Variants in SRPK2 observed in about 807,000 individuals in gnomAD.
The protein encoded by SRPK2 is SRSF protein kinase 2.
In SRPK2, 21 loss-of-function variants were observed where a neutral mutation model predicts 90.8. The ratio of observed to expected loss-of-function variants is 0.23; its 90% CI spans 0.16 to 0.33. SRPK2 has a LOEUF of 0.33. SRPK2 is among the 10% of genes least tolerant of loss of function. The pLI is 1.00. For missense variants in SRPK2, 620 were observed against 869.0 expected (o/e 0.71, Z 3.60); for synonymous variants, 288 against 311.1 (o/e 0.93, Z 0.78).
chr7:105,320,278 G>A (rs1812798138), intron 2 of SRPK2, among the ~76,000 whole-genome samples: 1 of 152,118 alleles, frequency 6.6e-6, no homozygotes, highest in South Asian at 2.1e-4. Context: ...TTCATATTTT[G>A]CTCAGCACCT....
upstream of SRPK2, among the ~76,000 whole-genome samples, chr7:105,391,914 TAGC>T (rs1323178379): frequency 6.6e-6 from 1 of 152,178 alleles, no homozygotes; most frequent in African/African-American, 2.4e-5. Context: ...TGAGTGTTCA[TAGC>T]AGCGCTATCA....
rs538681312 is a variant in SRPK2 at position 105,183,196 on chromosome 7, A to G, written c.230-13931T>C. Among the ~76,000 whole-genome samples the G allele has an allele frequency of 3.0e-4, 46 of 152,328 alleles. No homozygotes were observed. In the South Asian group the frequency reaches 4.8e-3, roughly 16 times the overall value. On this transcript the variant is annotated intron_variant, in intron 3 of 15. Coordinates refer to ENST00000393651, the MANE Select transcript of SRPK2 (RefSeq NM_182692.3). ...CATCTTTTTTTGTCATTTTAGTGCT[A>G]TAAGTTTGTAGCTGTGTAAAAAATT...
intron 2 of SRPK2, among the ~76,000 whole-genome samples, chr7:105,205,517 T>TCTCTCTCTCA (rs1491532268): frequency 1.0e-5 from 1 of 95,792 alleles, no homozygotes; most frequent in African/African-American, 3.6e-5. Context: ...TCTCTCTCTC[T>TCTCTCTCTCA]CACACACACA....
intron 2 of SRPK2, among the ~76,000 whole-genome samples, chr7:105,272,953 G>A (rs148560861): frequency 0.012 from 1,775 of 152,126 alleles, 32 homozygotes; most frequent in African/African-American, 0.041. Context: ...GGTGGCTCAC[G>A]CCTGTAATCC....
chr7:105,180,069 TAGAA>T (rs1352576288), intron 3 of SRPK2, among the ~76,000 whole-genome samples: 1 of 152,042 alleles, frequency 6.6e-6, no homozygotes, highest in Non-Finnish European at 1.5e-5. Flanking sequence ...TTCACAGAAT[TAGAA>T]AGATCTTAAA....
At chr7:105,347,678 A>AT (rs1816630322) in intron 2 of SRPK2, among the ~76,000 whole-genome samples, 1 of 151,404 alleles carries the variant, frequency 6.6e-6, no homozygotes, top group Non-Finnish European at 1.5e-5. Flanking sequence ...GCCTGGCAAG[A>AT]CCCCCATCTC....
At chr7:105,219,669 A>C (rs571190470) in intron 2 of SRPK2, among the ~76,000 whole-genome samples, 1 of 152,252 alleles carries the variant, frequency 6.6e-6, no homozygotes, top group Non-Finnish European at 1.5e-5. Context: ...TGTTGAATGA[A>C]AAATCACAAG....
chr7:105,318,749 A>G (rs962485730), intron 2 of SRPK2, among the ~76,000 whole-genome samples: 1 of 152,210 alleles, frequency 6.6e-6, no homozygotes, highest in African/African-American at 2.4e-5. Flanking sequence ...TAAGGTACCA[A>G]TTCTCCAGAA....
rs1563021845 is a variant in SRPK2, at chr7:105,169,275, CAAG to C, written c.230-13_230-11del. 4 of 1,601,836 alleles carry C rather than the reference CAAG, an allele frequency of 2.5e-6. No individual in the cohort carries two copies. The East Asian group carries it at 8.9e-5, about 36-fold the overall frequency. On this transcript the variant is annotated splice_polypyrimidine_tract_variant and intron_variant, in intron 3 of 15. Transcript: ENST00000393651. ...ACTGGATGATATCCACCTTAAAAAACAAGAAAGAAAGAAAAAAATTCAAAATAT... is the reference window on the plus strand; with the variant it reads ...ACTGGATGATATCCACCTTAAAAAACAAAGAAAGAAAAAAATTCAAAATAT...
intron 2 of SRPK2, among the ~76,000 whole-genome samples, chr7:105,267,397 C>T (rs776327546): frequency 1.3e-5 from 2 of 152,192 alleles, no homozygotes; most frequent in Non-Finnish European, 2.9e-5. Context: ...TGATACCCAG[C>T]TCGTTCACTA....
chr7:105,151,848 A>AC (rs1351947796), intron 7 of SRPK2, among the ~76,000 whole-genome samples: 1 of 152,062 alleles, frequency 6.6e-6, no homozygotes, highest in Admixed American at 6.6e-5. Context: ...ACACGGTGAA[A>AC]CCCCCTCTCT....
At chr7:105,390,546 A>G (rs1822135370), upstream of SRPK2, among the ~76,000 whole-genome samples, 1 of 150,800 alleles carries the variant, frequency 6.6e-6, no homozygotes, top group Admixed American at 6.6e-5. Flanking sequence ...CTCCTGCCTC[A>G]GTCTCCCGAG....
intron 2 of SRPK2, among the ~76,000 whole-genome samples, chr7:105,388,285 G>A (rs916646450): frequency 1.3e-5 from 2 of 151,662 alleles, no homozygotes; most frequent in Admixed American, 1.3e-4. Flanking sequence ...AGCGGCAGAC[G>A]CCGGGGCCCC....
At chr7:105,259,973 T>G (rs1803970330) in intron 2 of SRPK2, among the ~76,000 whole-genome samples, 1 of 152,124 alleles carries the variant, frequency 6.6e-6, no homozygotes, top group Non-Finnish European at 1.5e-5. Context: ...GACACAGGCA[T>G]GGGCAAAGAC....
At chr7:105,254,248 A>C (rs1241797278) in intron 2 of SRPK2, among the ~76,000 whole-genome samples, 2 of 152,250 alleles carry the variant, frequency 1.3e-5, no homozygotes, top group Non-Finnish European at 2.9e-5. Flanking sequence ...TAAAGAACAG[A>C]GACTAGTAAG....
chr7:105,160,443 C>CAA (rs35669504), intron 7 of SRPK2, 64 bp downstream of exon 7: 26,388 of 866,072 alleles, frequency 0.03, 539 homozygotes, highest in Middle Eastern at 0.05. Flanking sequence ...TTGTAAACAG[C>CAA]ATTCATGTTG....
At chr7:105,377,257 G>A (rs1820413276) in intron 2 of SRPK2, among the ~76,000 whole-genome samples, 1 of 152,044 alleles carries the variant, frequency 6.6e-6, no homozygotes, top group Non-Finnish European at 1.5e-5. Context: ...ACATGTTAAT[G>A]CACCTTCATT....
At chr7:105,280,128 A>G (rs1454172965) in intron 2 of SRPK2, among the ~76,000 whole-genome samples, 2 of 152,194 alleles carry the variant, frequency 1.3e-5, no homozygotes, top group African/African-American at 4.8e-5. Flanking sequence ...ACAAAGTCAA[A>G]AATTAAGCTG....
At chr7:105,295,149 C>G (rs2385555) in intron 2 of SRPK2, among the ~76,000 whole-genome samples, 23 of 151,398 alleles carry the variant, frequency 1.5e-4, no homozygotes, top group African/African-American at 5.3e-4. Context: ...GAGGCAGAGG[C>G]TGCGGTGAGC....
Sources: gnomAD v4.1 joint callset for allele counts (sites outside exome capture counted in the v4.1 genomes callset) on GRCh38, gnomAD v4.1.1 for gene constraint, MANE v1.5 for transcripts, NCBI Gene and HGNC (gene_info 2026-07-23, HGNC 2026-07-21) for gene names.